Variants in LRRC9 observed in about 807,000 individuals in gnomAD.
LRRC9 encodes the protein leucine rich repeat containing 9, also known as leucine-rich repeat-containing protein 9.
Under a neutral mutation model 63.2 loss-of-function variants are expected in LRRC9, and 122 were observed. The ratio of observed to expected loss-of-function variants is 1.93; its 90% confidence interval spans 1.67 to 2.24. The LOEUF is 2.24. LRRC9 is among the 30% of genes most tolerant of loss of function. The probability of loss-of-function intolerance (pLI) is 0.00; values close to 1 mark genes in which losing one functional copy is unlikely to be tolerated. For missense variants in LRRC9, 1,071 were observed against 627.7 expected, an observed-to-expected ratio of 1.71 and a Z score of -7.55; for synonymous variants, 366 against 213.1, an observed-to-expected ratio of 1.72 and a Z score of -6.25.
rs1399726393 is a variant in LRRC9 at position 59,990,101 on chromosome 14, A to G, written c.2211+4877A>G. Among the ~76,000 whole-genome samples, 3 of 151,996 alleles carry G rather than the reference A, an allele frequency of 2.0e-5. No homozygotes were observed. The highest frequency in any genetic ancestry group is 4.4e-5 in the Non-Finnish European group (3 of 67,972). On this transcript the variant is annotated intron_variant, in intron 17 of 31. Coordinates refer to ENST00000445360, the Ensembl canonical transcript of LRRC9. This position sits in a 1 kb window ranked among gnomAD's most constrained non-coding sequence, Gnocchi z 4.2. ...CACCACCACACCCAGCTAACTTTGT[A>G]TTTTTAGCAGAGATGAGGTTTCTCC...
chr14:60,045,085 T>C (rs1292557980), intron 29 of LRRC9, among the ~76,000 whole-genome samples: 1 of 148,826 alleles, frequency 6.7e-6, no homozygotes, highest in East Asian at 2.0e-4. Flanking sequence ...CTTTGATTTG[T>C]AGACTCTTTT....
At chr14:60,022,149 AG>A (rs1229708720) in intron 26 of LRRC9, among the ~76,000 whole-genome samples, 1 of 151,768 alleles carries the variant, frequency 6.6e-6, no homozygotes, top group East Asian at 1.9e-4. Context: ...CTATTTATTT[AG>A]ATCTTTGTTA....
At chr14:60,024,051 G>A (rs1292827833) in intron 27 of LRRC9, among the ~76,000 whole-genome samples, 1 of 152,096 alleles carries the variant, frequency 6.6e-6, no homozygotes, top group East Asian at 1.9e-4. Flanking sequence ...AACATGGATG[G>A]GCATTTAGGT....
rs1352430863 is a variant in LRRC9 at position 59,960,157 on chromosome 14, C to G, written c.1079+143C>G. On this transcript the variant is annotated intron_variant, in intron 9 of 31. Transcript: ENST00000445360. ...TAAAGCATGAAATATATTCTTAGTA[C>G]TAGTTCCTAGTACATATAAGCATCA... is the stretch of plus-strand genomic sequence containing the variant. The G allele has an allele frequency of 3.0e-5, 15 of 504,170 alleles. No individual in the cohort carries two copies. The East Asian group carries it at 4.4e-4, about 15-fold the overall frequency. The allele number at this position is 504,170 out of a possible 1,614,324, so 31.2% of individuals were successfully genotyped here.
At chr14:60,049,496 T>C (rs1020809283) in intron 29 of LRRC9, among the ~76,000 whole-genome samples, 8 of 152,208 alleles carry the variant, frequency 5.3e-5, no homozygotes, top group Non-Finnish European at 8.8e-5. Flanking sequence ...AAGGATCTCA[T>C]TTCTCCTTCA....
chr14:59,959,509 C>T (rs1385002374), intron 8 of LRRC9, among the ~76,000 whole-genome samples: 2 of 152,022 alleles, frequency 1.3e-5, no homozygotes, highest in African/African-American at 4.8e-5. Context: ...TTAATAGAGG[C>T]GAACTTATTA....
At chr14:60,029,651 ACTCCTCTATCC>A (rs1388271596) in intron 28 of LRRC9, among the ~76,000 whole-genome samples, 6 of 151,846 alleles carry the variant, frequency 4.0e-5, no homozygotes, top group African/African-American at 1.5e-4. Flanking sequence ...CCACCTCTCT[ACTCCTCTATCC>A]CTCTTAAGCA....
At chr14:60,038,713 C>G (rs1330243762) in intron 29 of LRRC9, among the ~76,000 whole-genome samples, 1 of 152,176 alleles carries the variant, frequency 6.6e-6, no homozygotes, top group Non-Finnish European at 1.5e-5. Context: ...CATCTGCAAA[C>G]CGGGACAATT....
rs140525122 is a variant in LRRC9 at position 60,053,383 on chromosome 14, TCACACACACACACACA to T, written c.4131+201_4131+216del. 4.7e-5 allele frequency among the ~76,000 whole-genome samples: 4 copies of T among 85,722 alleles called. No homozygotes were observed. Among genetic ancestry groups the T allele is most frequent in the African/African-American group, 1.2e-4 (4 of 32,066 alleles). The allele number at this position is 85,722 out of a possible 152,430, so 56.2% of individuals were successfully genotyped here. ...GATTTGGTGAATAGAGCATGCGTGC[TCACACACACACACACA>T]CACACACACACACACACACACATAT... On this transcript the variant is annotated intron_variant, in intron 30 of 31. Transcript: ENST00000445360. The surrounding 1 kb of genome is among the most constrained non-coding windows in gnomAD (Gnocchi z 4.8).
chr14:59,919,926 G>A lies in LRRC9; in HGVS notation c.-34+43G>A, dbSNP rs1372467803. 6.6e-6 allele frequency: 1 copy of A among 152,232 alleles called. No individual in the cohort carries two copies. The highest frequency in any genetic ancestry group is 1.9e-4 in the East Asian group (1 of 5,188). The allele number at this position is 152,232 out of a possible 1,614,324, so 9.4% of individuals were successfully genotyped here. On this transcript the variant is annotated intron_variant, in intron 1 of 31. Coordinates refer to ENST00000445360, the Ensembl canonical transcript of LRRC9. This position sits in a 1 kb window ranked among gnomAD's most constrained non-coding sequence, Gnocchi z 4.5. ...CGCAGGTACAGAAAAACCTGCCAGC[G>A]AGAAGCTCCCGCCGTTTCCCAGGAG...
chr14:59,934,714 G>A (rs954910818), intron 6 of LRRC9, among the ~76,000 whole-genome samples: 2 of 152,138 alleles, frequency 1.3e-5, no homozygotes, highest in South Asian at 4.1e-4. Flanking sequence ...GCCAGCTTAA[G>A]ATACTACACT....
At chr14:60,000,503 T>C (rs577709095) in intron 19 of LRRC9, among the ~76,000 whole-genome samples, 331 of 152,202 alleles carry the variant, frequency 2.2e-3, no homozygotes, top group Non-Finnish European at 3.5e-3. Context: ...TTTAAGACAA[T>C]GTGGTATTGG....
At position 60,058,822 on chromosome 14, in the gene LRRC9, G is replaced by A. The variant is rs987868186; in HGVS notation, c.4276+800G>A. The stretch of plus-strand genomic sequence containing the variant: ...AAGTAGACTGTTCCATGTGATTAAA[G>A]TTTTTTAAAGAAACCCACTGAAAAA... On this transcript the variant is annotated intron_variant, in intron 31 of 31. Transcript: ENST00000445360. The surrounding 1 kb of genome is among the most constrained non-coding windows in gnomAD (Gnocchi z 4.4). Among the ~76,000 whole-genome samples the A allele has an allele frequency of 4.6e-5, 7 of 152,026 alleles. No individual in the cohort carries two copies. Among genetic ancestry groups the A allele is most frequent in the African/African-American group, 1.7e-4 (7 of 41,392 alleles).
At chr14:60,065,647 CAAA>C (rs60064309), downstream of LRRC9, among the ~76,000 whole-genome samples, 3 of 25,982 alleles carry the variant, frequency 1.2e-4, no homozygotes, top group South Asian at 1.1e-3. Context: ...GACTCCCTCT[CAAA>C]AAAAAAAAAA....
intron 10 of LRRC9, among the ~76,000 whole-genome samples, chr14:59,965,053 G>A (rs528590095): frequency 6.6e-6 from 1 of 152,300 alleles, no homozygotes; most frequent in African/African-American, 2.4e-5. Flanking sequence ...GGTTGATTAT[G>A]TAGGTGAGGA....
intron 29 of LRRC9, among the ~76,000 whole-genome samples, chr14:60,035,270 T>C (rs1315112337): frequency 6.6e-6 from 1 of 152,210 alleles, no homozygotes; most frequent in African/African-American, 2.4e-5. Flanking sequence ...GATGGATTGA[T>C]TGCAAATATT....
At chr14:59,956,023 T>C (rs868736061) in intron 8 of LRRC9, among the ~76,000 whole-genome samples, 17 of 152,206 alleles carry the variant, frequency 1.1e-4, no homozygotes, top group Middle Eastern at 3.2e-3. Flanking sequence ...ATGATTTCCA[T>C]TCATTTGCAT....
At chr14:59,992,887 G>C (rs1447502883) in intron 17 of LRRC9, among the ~76,000 whole-genome samples, 1 of 152,214 alleles carries the variant, frequency 6.6e-6, no homozygotes, top group African/African-American at 2.4e-5. Context: ...CACTCTGCAG[G>C]ATATTATCCA....
chr14:59,971,456 G>T (rs1471171494), intron 12 of LRRC9, among the ~76,000 whole-genome samples: 1 of 151,970 alleles, frequency 6.6e-6, no homozygotes, highest in Non-Finnish European at 1.5e-5. Context: ...GTTTTTTCTA[G>T]TTCCGTGAAG....
Sources: allele counts gnomAD v4.1 joint callset (sites outside exome capture counted in the v4.1 genomes callset), GRCh38; gene constraint gnomAD v4.1.1; non-coding constraint Gnocchi (gnomAD v3.1); transcripts MANE v1.5; gene names NCBI Gene and HGNC (gene_info 2026-07-23, HGNC 2026-07-21).